Variants in IFNLR1 observed in about 807,000 individuals in gnomAD.
IFNLR1 encodes interferon lambda receptor 1.
Under a neutral mutation model 52.5 loss-of-function variants are expected in IFNLR1, and 28 were observed. That is an observed-to-expected ratio of 0.53 (90% CI 0.40 to 0.73). The LOEUF (loss-of-function observed/expected upper bound fraction) is 0.73. Ranked by LOEUF, IFNLR1 falls within the 30% of genes least tolerant of loss-of-function variation. IFNLR1 has a pLI of 0.00. For missense variants in IFNLR1, 623 were observed against 659.1 expected (o/e 0.95, Z 0.60); for synonymous variants, 276 against 274.9 (o/e 1.00, Z -0.04).
chr1:24,165,432 A>G (rs1379189704), intron 3 of IFNLR1, among the ~76,000 whole-genome samples: 2 of 152,168 alleles, frequency 1.3e-5, no homozygotes, highest in Non-Finnish European at 2.9e-5. Context: ...TGATTGAGGT[A>G]TTCTTGGAGG....
chr1:24,170,601 C>G (rs1644569291), intron 2 of IFNLR1, among the ~76,000 whole-genome samples: 1 of 152,152 alleles, frequency 6.6e-6, no homozygotes, highest in African/African-American at 2.4e-5. Flanking sequence ...CTCAGGTGAC[C>G]CACCCGCTTG....
chr1:24,179,531 T>C (rs1644667460), intron 2 of IFNLR1, among the ~76,000 whole-genome samples: 1 of 152,180 alleles, frequency 6.6e-6, no homozygotes, highest in South Asian at 2.1e-4. Flanking sequence ...CAGGCTCCCA[T>C]CACTCACATG....
At chr1:24,166,628 C>A (rs1461828505) in intron 3 of IFNLR1, among the ~76,000 whole-genome samples, 5 of 152,130 alleles carry the variant, frequency 3.3e-5, no homozygotes, top group African/African-American at 7.2e-5. Flanking sequence ...CTCACTGCAG[C>A]CTTGACCTCC....
In IFNLR1 at chr1:24,159,598, G is replaced by C; in HGVS notation, c.546C>G (p.Val182=). 6.2e-7 allele frequency: 1 copy of C among 1,614,162 alleles called. No individual in the cohort carries two copies. Among genetic ancestry groups the C allele is most frequent in the South Asian group, 1.1e-5 (1 of 91,074 alleles). Residue 182 remains valine, a synonymous_variant, in exon 5 of 7, where the codon GTC becomes GTG. Coordinates refer to ENST00000327535, the MANE Select transcript of IFNLR1 (RefSeq NM_170743.4). ...TGGCAGCTGGCTGGAGAGTGATCTG[G>C]ACTGGCTGGCCATGGGGAGTGACTG... The part of the protein sequence containing the change: ...LFPVTPHGQP[V]QITLQPAASE...
At chr1:24,161,953 C>T (rs180690183) in intron 3 of IFNLR1, among the ~76,000 whole-genome samples, 1 of 152,222 alleles carries the variant, frequency 6.6e-6, no homozygotes, top group African/African-American at 2.4e-5. Context: ...TTCTCTCATG[C>T]CATCCCATCC....
chr1:24,182,186 C>T lies in IFNLR1; in HGVS notation c.59-1332G>A, dbSNP rs560835519. ...CTGCATTCCAGCCTGGGCAACAGGG[C>T]GAGACTCCATTCCAAAAAAAAAAAA... On this transcript the variant is annotated intron_variant, in intron 1 of 6. Coordinates refer to ENST00000327535, the MANE Select transcript of IFNLR1 (RefSeq NM_170743.4). Among the ~76,000 whole-genome samples, 17 of 130,598 alleles carry T rather than the reference C, an allele frequency of 1.3e-4. No homozygotes were observed. In the South Asian group the frequency reaches 2.4e-3, roughly 18 times the overall value. The allele number at this position is 130,598 out of a possible 152,430, so 85.7% of individuals were successfully genotyped here.
chr1:24,172,568 G>T (rs1414124664), intron 2 of IFNLR1, among the ~76,000 whole-genome samples: 1 of 151,954 alleles, frequency 6.6e-6, no homozygotes, highest in Non-Finnish European at 1.5e-5. Flanking sequence ...AGAAACAGAA[G>T]GCAAGAAGAA....
intron 4 of IFNLR1, 71 bp downstream of exon 4, chr1:24,161,471 G>A: frequency 6.6e-7 from 1 of 1,521,512 alleles, no homozygotes; most frequent in Non-Finnish European, 8.9e-7. Context: ...AGGCTGGGAG[G>A]GTGAGAAGAA....
intron 2 of IFNLR1, among the ~76,000 whole-genome samples, chr1:24,176,748 A>C (rs1465948138): frequency 6.6e-6 from 1 of 152,212 alleles, no homozygotes; most frequent in Non-Finnish European, 1.5e-5. Flanking sequence ...GACAGATAAA[A>C]GGCATTTGAA....
intron 5 of IFNLR1, 42 bp downstream of exon 5, chr1:24,159,432 C>A: frequency 6.3e-7 from 1 of 1,585,308 alleles, no homozygotes; most frequent in Non-Finnish European, 8.7e-7. Context: ...GCTCCCAAGG[C>A]CCAGAGGGAA....
intron 1 of IFNLR1, among the ~76,000 whole-genome samples, chr1:24,184,085 C>G (rs77360595): frequency 6.6e-6 from 1 of 152,100 alleles, no homozygotes; most frequent in Non-Finnish European, 1.5e-5. Flanking sequence ...TGACCCACCA[C>G]TCCTCCCTTG....
chr1:24,173,091 T>A (rs1569674292), intron 2 of IFNLR1, among the ~76,000 whole-genome samples: 1 of 141,456 alleles, frequency 7.1e-6, no homozygotes, highest in East Asian at 2.0e-4. Context: ...ACACCTGATA[T>A]ACTGGATTTT....
At chr1:24,159,726 G>GTTTTTTTTTGTTTTTTTTTTTTTTGTTT in intron 4 of IFNLR1, 93 bp from the exon 5 acceptor site, 2 of 761,908 alleles carry the variant, frequency 2.6e-6, no homozygotes, top group Non-Finnish European at 2.0e-6. Context: ...ATGGTAGGGT[G>GTTTTTTTTTGTTTTTTTTTTTTTTGTTT]TTTTTTTTTT....
chr1:24,169,554 GTT>G lies in IFNLR1; in HGVS notation c.228_229del (p.Thr77GlnfsTer45). 6.2e-7 allele frequency: 1 copy of G among 1,614,176 alleles called. No homozygotes were observed. Among genetic ancestry groups the G allele is most frequent in the Non-Finnish European group, 8.5e-7 (1 of 1,180,028 alleles). On this transcript the variant is annotated frameshift_variant, in exon 3 of 7. Coordinates refer to ENST00000327535, the MANE Select transcript of IFNLR1 (RefSeq NM_170743.4). LOFTEE classifies it high-confidence loss of function. The stretch of plus-strand genomic sequence containing the variant: ...CATCATAGAACATAGCAGCTCCTTG[GTT>G]CCCGCACACTCTTCCACTTCGCGCC...
chr1:24,187,133 G>C (rs922222417), intron 1 of IFNLR1, 58 bp downstream of exon 1: 8 of 1,176,914 alleles, frequency 6.8e-6, no homozygotes, highest in Middle Eastern at 3.0e-4. Context: ...CCGAGGGTAG[G>C]CGCGGCCCGG....
chr1:24,187,080 T>A, intron 1 of IFNLR1, 111 bp downstream of exon 1: 2 of 625,862 alleles, frequency 3.2e-6, no homozygotes, highest in South Asian at 6.2e-5. Flanking sequence ...CGCACCCGGC[T>A]CGGGTGGCTG....
chr1:24,175,198 C>G lies in IFNLR1; in HGVS notation c.182+5533G>C, dbSNP rs550807477. Among the ~76,000 whole-genome samples, 61 of 152,368 alleles carry G rather than the reference C, an allele frequency of 4.0e-4. No homozygotes were observed. The South Asian group carries it at 0.012, about 29-fold the overall frequency. On this transcript the variant is annotated intron_variant, in intron 2 of 6. Coordinates refer to ENST00000327535, the MANE Select transcript of IFNLR1 (RefSeq NM_170743.4). ...GATTCAGAGATCAGCAGGGTTGTCA[C>G]TGCCACCAAAGACCTGGAGGCAACA... is the stretch of plus-strand genomic sequence containing the variant.
chr1:24,169,711 TC>T, intron 2 of IFNLR1, 110 bp from the exon 3 acceptor site: 1 of 1,147,090 alleles, frequency 8.7e-7, no homozygotes, highest in Non-Finnish European at 1.2e-6. Flanking sequence ...TGACTTTAGG[TC>T]CATCCGTCCA....
chr1:24,182,207 A>C (rs1177917527), intron 1 of IFNLR1, among the ~76,000 whole-genome samples: 1 of 151,866 alleles, frequency 6.6e-6, no homozygotes, highest in East Asian at 1.9e-4. Flanking sequence ...TCCAAAAAAA[A>C]AAAAAAAAAA....
Sources: gnomAD v4.1 joint callset for allele counts (sites outside exome capture counted in the v4.1 genomes callset) on GRCh38, gnomAD v4.1.1 for gene constraint, MANE v1.5 for transcripts, NCBI Gene and HGNC (gene_info 2026-07-23, HGNC 2026-07-21) for gene names.